The following VPS37A variants were observed in gnomAD, a reference collection of about 807,000 sequenced individuals.
VPS37A encodes VPS37A subunit of ESCRT-I.
In VPS37A, 30 loss-of-function variants were observed where a neutral mutation model predicts 49.8. The ratio of observed to expected loss-of-function variants is 0.60; its 90% CI spans 0.45 to 0.82. The LOEUF is 0.82. Among genes scored for constraint, VPS37A ranks in the 40% least tolerant of loss-of-function variants. The pLI is 0.00. For missense variants in VPS37A, 593 were observed against 464.4 expected (o/e 1.28, Z -2.55); for synonymous variants, 195 against 160.6 (o/e 1.21, Z -1.62).
At chr8:17,316,695 ACCAAT>A in the VPS37A span, among the ~76,000 whole-genome samples, 1 of 152,216 alleles carries the variant, frequency 6.6e-6, no homozygotes. Flanking sequence ...GTAATAGAAA[ACCAAT>A]CCAGTGTAAC....
downstream of VPS37A, among the ~76,000 whole-genome samples, chr8:17,307,205 C>A (rs1286876820): frequency 9.2e-5 from 14 of 152,164 alleles, no homozygotes; most frequent in Admixed American, 2.6e-4. Flanking sequence ...AAAAAACAAC[C>A]CCATCAAAAA....
chr8:17,310,042 G>A, the VPS37A span, among the ~76,000 whole-genome samples: 3 of 152,002 alleles, frequency 2.0e-5, no homozygotes, highest in African/African-American at 7.3e-5. Flanking sequence ...ACTCAGCCAC[G>A]TAGGCTGGAG....
chr8:17,250,538 A>G (rs1811879225), intron 1 of VPS37A, among the ~76,000 whole-genome samples: 1 of 152,134 alleles, frequency 6.6e-6, no homozygotes, highest in African/African-American at 2.4e-5. Context: ...TCCAAATGTA[A>G]GCTCAATAGG....
rs1333448968 is a variant in VPS37A at position 17,249,407 on chromosome 8, A to C, written c.125+2038A>C. Among the ~76,000 whole-genome samples the C allele has an allele frequency of 2.0e-5, 3 of 152,352 alleles. No homozygotes were observed. In the South Asian group the frequency reaches 6.2e-4, roughly 32 times the overall value. On this transcript the variant is annotated intron_variant, in intron 1 of 11. Coordinates refer to ENST00000324849, the MANE Select transcript of VPS37A (RefSeq NM_152415.3). Reference sequence around the variant, plus strand: ...TGAACGTATGATTGGACATGATTACATTAGATAATGTAATTTATTTTGTAG... The same window carrying C: ...TGAACGTATGATTGGACATGATTACCTTAGATAATGTAATTTATTTTGTAG...
rs966111094 is a variant in VPS37A, at chr8:17,268,359, C to A, written c.302C>A (p.Pro101Gln). The stretch of plus-strand genomic sequence containing the variant: ...AAACAAGGAGTGTATGTTACCTCTC[C>A]ATTAGTAAACAATGTATGTATATGG... ...MDKQGVYVTS[P>Q]LVNNFTMHSD... is the part of the protein sequence containing the mutation. Residue 101 changes from proline (P) to glutamine (Q), a missense_variant, in exon 3 of 12, where the codon CCA becomes CAA. By Grantham distance (76) the Pro-to-Gln change is moderately conservative. Transcript: ENST00000324849. 1 of 1,603,344 alleles carries A rather than the reference C, an allele frequency of 6.2e-7. No homozygotes were observed.
At chr8:17,292,082 A>C (rs1225635221) in intron 11 of VPS37A, among the ~76,000 whole-genome samples, 2 of 152,182 alleles carry the variant, frequency 1.3e-5, no homozygotes, top group Non-Finnish European at 2.9e-5. Flanking sequence ...AAAGTCTCCC[A>C]CTATTATTGT....
At chr8:17,316,847 T>A in the VPS37A span, among the ~76,000 whole-genome samples, 1 of 152,086 alleles carries the variant, frequency 6.6e-6, no homozygotes, top group Non-Finnish European at 1.5e-5. Flanking sequence ...GTGTGTGGAT[T>A]TGAGAATCTA....
At chr8:17,294,403 A>T (rs1816435924) in intron 11 of VPS37A, among the ~76,000 whole-genome samples, 1 of 152,146 alleles carries the variant, frequency 6.6e-6, no homozygotes, top group Admixed American at 6.6e-5. Flanking sequence ...TAGGGGTGGG[A>T]TCCGCTGAGC....
chr8:17,332,482 A>C, the VPS37A span, among the ~76,000 whole-genome samples: 1 of 152,196 alleles, frequency 6.6e-6, no homozygotes, highest in Non-Finnish European at 1.5e-5. Context: ...GTGACCAAGA[A>C]GGAGGGCACA....
rs983458886 is a variant in VPS37A at position 17,296,252 on chromosome 8, T to C, written c.*1266T>C. 6.6e-6 allele frequency: 1 copy of C among 152,190 alleles called. No individual in the cohort carries two copies. Among genetic ancestry groups the C allele is most frequent in the African/African-American group, 2.4e-5 (1 of 41,446 alleles). 9.4% of individuals were successfully genotyped at this position (152,190 alleles called of 1,614,324 possible). A position where few individuals can be genotyped will look rare whatever the true frequency, so the allele number is the denominator to read the frequency against. Reference sequence around the variant, plus strand: ...ACATGCTTAATATTTAGTCTGTTTGTGGAGGGCAGGTATTCACGTGGACTG... The same window carrying C: ...ACATGCTTAATATTTAGTCTGTTTGCGGAGGGCAGGTATTCACGTGGACTG... On this transcript the variant is annotated 3_prime_UTR_variant, in exon 12 of 12. Transcript: ENST00000324849.
At chr8:17,266,569 G>A (rs1380643544) in intron 2 of VPS37A, among the ~76,000 whole-genome samples, 2 of 152,292 alleles carry the variant, frequency 1.3e-5, no homozygotes, top group Middle Eastern at 3.4e-3. Context: ...GATTACCTGA[G>A]GTTACATTAA....
chr8:17,332,838 T>C, the VPS37A span, among the ~76,000 whole-genome samples: 3 of 152,264 alleles, frequency 2.0e-5, no homozygotes, highest in East Asian at 5.8e-4. Context: ...ATTTAAGTTT[T>C]TGCGTGTTTA....
At chr8:17,248,535 C>G (rs941688298) in intron 1 of VPS37A, 6 of 347,738 alleles carry the variant, frequency 1.7e-5, no homozygotes, top group Non-Finnish European at 3.4e-5. Flanking sequence ...TTCGGCCTCC[C>G]AAAGTGCTGG....
chr8:17,328,243 T>C, the VPS37A span, among the ~76,000 whole-genome samples: 1 of 152,074 alleles, frequency 6.6e-6, no homozygotes, highest in Non-Finnish European at 1.5e-5. Flanking sequence ...GGTGTCCCAG[T>C]GGGGCACACC....
At chr8:17,327,884 T>G in the VPS37A span, among the ~76,000 whole-genome samples, 1 of 152,238 alleles carries the variant, frequency 6.6e-6, no homozygotes, top group Non-Finnish European at 1.5e-5. Flanking sequence ...TTTTAAAAAA[T>G]TATGCTTTTT....
the VPS37A span, among the ~76,000 whole-genome samples, chr8:17,308,454 G>C: frequency 3.9e-5 from 6 of 152,272 alleles, no homozygotes; most frequent in South Asian, 2.1e-4. Flanking sequence ...CAGAATTAGT[G>C]ATCAATTAAT....
the VPS37A span, among the ~76,000 whole-genome samples, chr8:17,326,752 T>A: frequency 2.7e-4 from 41 of 152,176 alleles, no homozygotes; most frequent in Admixed American, 2.5e-3. Flanking sequence ...CTGTTCAAAC[T>A]TCCTGATGAG....
chr8:17,322,967 T>TTTTTTTTTG, the VPS37A span, among the ~76,000 whole-genome samples: 1 of 150,500 alleles, frequency 6.6e-6, no homozygotes, highest in African/African-American at 2.5e-5. Context: ...TTTTTTTTTT[T>TTTTTTTTTG]GAGACAGTCT....
At position 17,268,934 on chromosome 8, in the gene VPS37A, C is replaced by T. The variant is rs764593708; in HGVS notation, c.394C>T (p.Pro132Ser). 6.2e-7 allele frequency: 1 copy of T among 1,607,068 alleles called. No individual in the cohort carries two copies. Among genetic ancestry groups the T allele is most frequent in the South Asian group, 1.1e-5 (1 of 89,622 alleles). Residue 132 changes from proline to serine, a missense_variant, in exon 4 of 12, where the codon CCT becomes TCT. Physicochemically the swap from Pro to Ser is moderately conservative, Grantham distance 74. Coordinates refer to ENST00000324849, the MANE Select transcript of VPS37A (RefSeq NM_152415.3). ...EFWKNPPVLA[P>S]TSTAFPYLYS... ...TTGGAAGAATCCTCCAGTTTTAGCT[C>T]CTACTTCAACAGCATTTCCTTAGTA... is the stretch of plus-strand genomic sequence containing the variant.
Sources: allele counts gnomAD v4.1 joint callset (sites outside exome capture counted in the v4.1 genomes callset), GRCh38; gene constraint gnomAD v4.1.1; transcripts MANE v1.5; gene names NCBI Gene and HGNC (gene_info 2026-07-23, HGNC 2026-07-21).